The following NKAIN2 variants were observed in gnomAD, a reference collection of about 807,000 sequenced individuals.
NKAIN2 encodes the protein sodium/potassium transporting ATPase interacting 2.
In NKAIN2, 14 loss-of-function variants were observed where a neutral mutation model predicts 32.6. That is an observed-to-expected ratio of 0.43 (90% CI 0.28 to 0.67). NKAIN2 has a LOEUF of 0.67. NKAIN2 is among the 30% of genes least tolerant of loss of function. The pLI is 0.17. For synonymous variants in NKAIN2, 80 were observed against 87.2 expected, an observed-to-expected ratio of 0.92 and a Z score of 0.46; for missense variants, 198 against 258.3, an observed-to-expected ratio of 0.77 and a Z score of 1.60.
intron 2 of NKAIN2, among the ~76,000 whole-genome samples, chr6:124,317,742 A>C (rs1322414847): frequency 6.6e-6 from 1 of 152,046 alleles, no homozygotes; most frequent in Non-Finnish European, 1.5e-5. Context: ...AGAGCAAAAT[A>C]TTCTTTCATT....
At chr6:123,825,205 CCCAGATCTTAATA>C (rs990340486) in intron 1 of NKAIN2, among the ~76,000 whole-genome samples, 17 of 152,124 alleles carry the variant, frequency 1.1e-4, no homozygotes, top group African/African-American at 4.1e-4. Flanking sequence ...TCACACAGGC[CCCAGATCTTAATA>C]CCATCACCTT....
rs574801508 is a variant in NKAIN2 at position 124,488,869 on chromosome 6, G to A, written c.273+133522G>A. On this transcript the variant is annotated intron_variant, in intron 3 of 6. Transcript: ENST00000368417. ...TATTGAGTATGTGATGGTTTCCCCAGGGCATTATCATGGAAATTAGAAGGA... is the reference window on the plus strand; with the variant it reads ...TATTGAGTATGTGATGGTTTCCCCAAGGCATTATCATGGAAATTAGAAGGA... 4.6e-5 allele frequency among the ~76,000 whole-genome samples: 7 copies of A among 151,960 alleles called. No homozygotes were observed. In the South Asian group the frequency reaches 1.5e-3, roughly 32 times the overall value.
intron 1 of NKAIN2, among the ~76,000 whole-genome samples, chr6:124,216,865 C>T (rs557905658): frequency 6.6e-6 from 1 of 152,192 alleles, no homozygotes; most frequent in East Asian, 1.9e-4. Context: ...AACAATGGTT[C>T]ATTATTGGAT....
chr6:123,991,596 C>T (rs544088322), intron 1 of NKAIN2, among the ~76,000 whole-genome samples: 5 of 152,150 alleles, frequency 3.3e-5, no homozygotes, highest in Non-Finnish European at 7.4e-5. Context: ...GGCACGGTGG[C>T]TCATGCCTGT....
chr6:124,211,628 T>A (rs1297812953), intron 1 of NKAIN2, among the ~76,000 whole-genome samples: 2 of 151,986 alleles, frequency 1.3e-5, no homozygotes, highest in Admixed American at 6.6e-5. Flanking sequence ...TCTTTGAGGA[T>A]TTTGTGATGT....
chr6:124,692,677 A>G (rs548325112), intron 4 of NKAIN2, among the ~76,000 whole-genome samples: 7 of 152,104 alleles, frequency 4.6e-5, no homozygotes, highest in Middle Eastern at 3.4e-3. Flanking sequence ...TTAGCCGGGC[A>G]TGGTGGCAGG....
chr6:124,310,001 A>G (rs1462934407), intron 2 of NKAIN2, among the ~76,000 whole-genome samples: 1 of 152,122 alleles, frequency 6.6e-6, no homozygotes, highest in Non-Finnish European at 1.5e-5. Flanking sequence ...GCTTATTTCC[A>G]TACATAGGTC....
chr6:124,629,197 C>T (rs1327330382), intron 3 of NKAIN2, among the ~76,000 whole-genome samples: 1 of 152,160 alleles, frequency 6.6e-6, no homozygotes, highest in Non-Finnish European at 1.5e-5. Flanking sequence ...TTCCCCTCAT[C>T]TATTGAGTCT....
At chr6:123,839,724 A>G (rs1562211508) in intron 1 of NKAIN2, among the ~76,000 whole-genome samples, 1 of 152,152 alleles carries the variant, frequency 6.6e-6, no homozygotes, top group Non-Finnish European at 1.5e-5. Context: ...GAATGGTTAT[A>G]TGTTATTTCC....
intron 5 of NKAIN2, among the ~76,000 whole-genome samples, chr6:124,810,438 A>G (rs892934610): frequency 6.6e-6 from 1 of 152,016 alleles, no homozygotes; most frequent in Non-Finnish European, 1.5e-5. Flanking sequence ...AACAATGAGA[A>G]CACATGGACA....
intron 3 of NKAIN2, among the ~76,000 whole-genome samples, chr6:124,601,133 G>A (rs1782290390): frequency 6.6e-6 from 1 of 152,052 alleles, no homozygotes; most frequent in Non-Finnish European, 1.5e-5. Flanking sequence ...CAAGCTCTAT[G>A]CATAAGGCTG....
At chr6:124,754,177 G>A (rs796166586) in intron 4 of NKAIN2, among the ~76,000 whole-genome samples, 23 of 152,116 alleles carry the variant, frequency 1.5e-4, no homozygotes, top group African/African-American at 5.3e-4. Context: ...CTGAGAACCT[G>A]GAAACCTGAA....
At chr6:124,646,437 A>G (rs1784171733) in intron 3 of NKAIN2, among the ~76,000 whole-genome samples, 2 of 152,180 alleles carry the variant, frequency 1.3e-5, no homozygotes, top group South Asian at 4.1e-4. Context: ...CAACTGTCTG[A>G]CTAACAGAAT....
At position 124,805,172 on chromosome 6, in the gene NKAIN2, T is replaced by C. The variant is rs1441922923; in HGVS notation, c.536-13215T>C. Among the ~76,000 whole-genome samples, 6 of 152,182 alleles carry C rather than the reference T, an allele frequency of 3.9e-5. No homozygotes were observed. In the South Asian group the frequency reaches 6.2e-4, roughly 16 times the overall value. On this transcript the variant is annotated intron_variant, in intron 5 of 6. Coordinates refer to ENST00000368417, the MANE Select transcript of NKAIN2 (RefSeq NM_001040214.3). ...CAGCACGCAGCTGGAGATCTGAGAA[T>C]GGGCAGAATGCCTCCTCAAGTGGGT... is the stretch of plus-strand genomic sequence containing the variant.
chr6:123,938,135 C>T (rs1776606896), intron 1 of NKAIN2, among the ~76,000 whole-genome samples: 1 of 151,836 alleles, frequency 6.6e-6, no homozygotes, highest in Non-Finnish European at 1.5e-5. Flanking sequence ...GCTGAATTTT[C>T]TGTCACTTGC....
intron 3 of NKAIN2, among the ~76,000 whole-genome samples, chr6:124,398,280 AAAGATG>A (rs1562155869): frequency 1.4e-5 from 2 of 139,798 alleles, no homozygotes; most frequent in African/African-American, 5.3e-5. Context: ...AAAAAAAAAA[AAAGATG>A]AGCCCAAATT....
At chr6:124,609,534 G>A (rs1363317315) in intron 3 of NKAIN2, among the ~76,000 whole-genome samples, 3 of 151,856 alleles carry the variant, frequency 2.0e-5, no homozygotes, top group South Asian at 2.1e-4. Context: ...AGAAAAACTC[G>A]GCATGGGGGA....
At chr6:124,696,483 C>T (rs1248338294) in intron 4 of NKAIN2, among the ~76,000 whole-genome samples, 4 of 152,054 alleles carry the variant, frequency 2.6e-5, no homozygotes, top group African/African-American at 4.8e-5. Context: ...CTGAGACCTG[C>T]GGGATTGAAA....
intron 1 of NKAIN2, among the ~76,000 whole-genome samples, chr6:124,031,808 C>A (rs950289090): frequency 1.3e-5 from 2 of 152,100 alleles, no homozygotes; most frequent in African/African-American, 4.8e-5. Context: ...TTTACATTTG[C>A]TGAGGAGTGC....
Sources: gnomAD v4.1 joint callset for allele counts (sites outside exome capture counted in the v4.1 genomes callset) on GRCh38, gnomAD v4.1.1 for gene constraint, MANE v1.5 for transcripts, NCBI Gene and HGNC (gene_info 2026-07-23, HGNC 2026-07-21) for gene names.